RPS6KC1: variants seen among roughly 807,000 people sequenced by gnomAD.
The protein encoded by RPS6KC1 is inactive ribosomal protein S6 kinase delta-1.
A neutral mutation model predicts 103.8 loss-of-function variants in RPS6KC1; 54 were observed. The observed-to-expected ratio is 0.52, with a 90% CI of 0.42 to 0.65. The LOEUF (loss-of-function observed/expected upper bound fraction) is 0.65. Among genes scored for constraint, RPS6KC1 ranks in the 30% least tolerant of loss-of-function variants. The pLI is 0.00. For missense variants in RPS6KC1, 1,151 were observed against 1,253.8 expected, an observed-to-expected ratio of 0.92 and a Z score of 1.24; for synonymous variants, 439 against 438.7, an observed-to-expected ratio of 1.00 and a Z score of -0.01.
At chr1:213,138,032 TTTTG>T (rs1342149087) in intron 6 of RPS6KC1, among the ~76,000 whole-genome samples, 2 of 151,694 alleles carry the variant, frequency 1.3e-5, no homozygotes, top group African/African-American at 2.4e-5. Context: ...GCTCTTGATT[TTTTG>T]TTTGTTTCTT....
chr1:213,265,822 G>A (rs1368195806), intron 14 of RPS6KC1, among the ~76,000 whole-genome samples: 1 of 152,180 alleles, frequency 6.6e-6, no homozygotes, highest in Non-Finnish European at 1.5e-5. Context: ...TAGATTCTTA[G>A]CATTTGCAGA....
the RPS6KC1 span, among the ~76,000 whole-genome samples, chr1:213,410,617 C>G: frequency 6.6e-6 from 1 of 152,128 alleles, no homozygotes; most frequent in African/African-American, 2.4e-5. Context: ...GTGGGTTTCT[C>G]CAGCCTCAGC....
At position 213,153,033 on chromosome 1, in the gene RPS6KC1, C is replaced by T. The variant is rs2089413442; in HGVS notation, c.836-14825C>T. ...CTGGTGGATCACGTGCGGTTAGGGG[C>T]TGGAGACCGGCCTGGCCAACACAGC... On this transcript the variant is annotated intron_variant, in intron 6 of 14. Transcript: ENST00000366960. Among the ~76,000 whole-genome samples, 5 of 152,244 alleles carry T rather than the reference C, an allele frequency of 3.3e-5. No homozygotes were observed. The South Asian group carries it at 8.3e-4, about 25-fold the overall frequency.
the RPS6KC1 span, among the ~76,000 whole-genome samples, chr1:213,679,272 G>A: frequency 2.0e-5 from 3 of 152,264 alleles, no homozygotes; most frequent in Non-Finnish European, 4.4e-5. Flanking sequence ...GGATAATAAT[G>A]CCCTATGTCC....
At chr1:213,295,228 G>C in the RPS6KC1 span, among the ~76,000 whole-genome samples, 4 of 152,176 alleles carry the variant, frequency 2.6e-5, no homozygotes, top group East Asian at 1.9e-4. Flanking sequence ...TTTCACTGCA[G>C]TATTTGTATT....
At chr1:213,743,003 A>T in the RPS6KC1 span, among the ~76,000 whole-genome samples, 1 of 152,356 alleles carries the variant, frequency 6.6e-6, no homozygotes, top group Non-Finnish European at 1.5e-5. Flanking sequence ...CTTAAAACAG[A>T]ATTACCATTC....
the RPS6KC1 span, among the ~76,000 whole-genome samples, chr1:213,469,445 T>G: frequency 6.6e-6 from 1 of 152,218 alleles, no homozygotes; most frequent in Non-Finnish European, 1.5e-5. Context: ...TGGATTGTTT[T>G]GAAGCCAATC....
At chr1:213,691,978 G>A in the RPS6KC1 span, among the ~76,000 whole-genome samples, 15 of 152,304 alleles carry the variant, frequency 9.8e-5, no homozygotes, top group East Asian at 1.9e-4. Context: ...TAGCGCTAGC[G>A]GTGGTGAATC....
At chr1:213,861,898 T>A in the RPS6KC1 span, among the ~76,000 whole-genome samples, 1 of 152,136 alleles carries the variant, frequency 6.6e-6, no homozygotes. Context: ...TCCTGCCTTT[T>A]TGCTCCCCGG....
the RPS6KC1 span, among the ~76,000 whole-genome samples, chr1:213,469,419 C>G: frequency 6.6e-6 from 1 of 152,232 alleles, no homozygotes; most frequent in South Asian, 2.1e-4. Context: ...CCTATCCATC[C>G]TTTTCTCCTC....
the RPS6KC1 span, among the ~76,000 whole-genome samples, chr1:213,782,022 G>A: frequency 6.4e-4 from 97 of 152,194 alleles, no homozygotes; most frequent in African/African-American, 2.0e-3. Context: ...ACCCCTTTTC[G>A]AGGAGTGCCT....
chr1:213,516,695 T>G, the RPS6KC1 span, among the ~76,000 whole-genome samples: 15 of 151,970 alleles, frequency 9.9e-5, no homozygotes, highest in Non-Finnish European at 1.9e-4. Flanking sequence ...AATTCTCTTT[T>G]GTTGTGTCTC....
intron 6 of RPS6KC1, among the ~76,000 whole-genome samples, chr1:213,138,049 G>T (rs1318038147): frequency 6.6e-6 from 1 of 151,732 alleles, no homozygotes; most frequent in African/African-American, 2.4e-5. Context: ...TGTTTCTTGA[G>T]AGGTTATGTG....
chr1:213,316,226 C>T, the RPS6KC1 span, among the ~76,000 whole-genome samples: 1 of 152,230 alleles, frequency 6.6e-6, no homozygotes, highest in African/African-American at 2.4e-5. Flanking sequence ...CTAAGATGTG[C>T]CTGCTTCCCC....
chr1:213,234,112 T>C (rs1193524103), intron 10 of RPS6KC1, among the ~76,000 whole-genome samples: 1 of 151,422 alleles, frequency 6.6e-6, no homozygotes, highest in Non-Finnish European at 1.5e-5. Context: ...AACCTTGAAC[T>C]CTTGGGCTCA....
At chr1:213,472,611 T>C in the RPS6KC1 span, among the ~76,000 whole-genome samples, 1 of 152,186 alleles carries the variant, frequency 6.6e-6, no homozygotes, top group Non-Finnish European at 1.5e-5. Context: ...AAATGGAAAC[T>C]CTACTATGCT....
At chr1:213,719,787 AG>A in the RPS6KC1 span, among the ~76,000 whole-genome samples, 1 of 152,148 alleles carries the variant, frequency 6.6e-6, no homozygotes, top group Non-Finnish European at 1.5e-5. Context: ...AGTACGTGGA[AG>A]GTGGTATCCC....
chr1:213,822,908 C>G, the RPS6KC1 span, among the ~76,000 whole-genome samples: 1 of 152,142 alleles, frequency 6.6e-6, no homozygotes, highest in Non-Finnish European at 1.5e-5. Flanking sequence ...AATCTACTAT[C>G]TTTACAGCAG....
chr1:213,288,805 C>G, the RPS6KC1 span, among the ~76,000 whole-genome samples: 1 of 152,124 alleles, frequency 6.6e-6, no homozygotes. Flanking sequence ...CAGGTAGAAG[C>G]CTGCTGTTCA....
Sources: allele counts gnomAD v4.1 joint callset (sites outside exome capture counted in the v4.1 genomes callset), GRCh38; gene constraint gnomAD v4.1.1; transcripts MANE v1.5; gene names NCBI Gene and HGNC (gene_info 2026-07-23, HGNC 2026-07-21).